DCAF13: variants seen among roughly 807,000 people sequenced by gnomAD.
The protein encoded by DCAF13 is DDB1 and CUL4 associated factor 13.
A neutral mutation model predicts 59.0 loss-of-function variants in DCAF13; 38 were observed. The ratio of observed to expected loss-of-function variants is 0.64; its 90% CI spans 0.50 to 0.84. The LOEUF (loss-of-function observed/expected upper bound fraction) is 0.84. DCAF13 is among the 40% of genes least tolerant of loss of function. The pLI is 0.00. For missense variants in DCAF13, 469 were observed against 558.4 expected, an observed-to-expected ratio of 0.84 and a Z score of 1.61; for synonymous variants, 173 against 175.0, an observed-to-expected ratio of 0.99 and a Z score of 0.09.
At chr8:103,433,792 A>G (rs965645174) in intron 7 of DCAF13, among the ~76,000 whole-genome samples, 2 of 152,054 alleles carry the variant, frequency 1.3e-5, no homozygotes, top group Admixed American at 6.6e-5. Flanking sequence ...TTAGACTCTC[A>G]TTAACTAGCA....
Position 103,418,138 on chromosome 8 carries a change from GAAAA to G in DCAF13, c.71-2120_71-2117del, listed in dbSNP as rs778860828. Among the ~76,000 whole-genome samples, 15 of 147,402 alleles carry G rather than the reference GAAAA, an allele frequency of 1.0e-4. No individual in the cohort carries two copies. The South Asian group carries it at 1.3e-3, about 13-fold the overall frequency. On this transcript the variant is annotated intron_variant, in intron 1 of 10. Coordinates refer to ENST00000612750, the MANE Select transcript of DCAF13 (RefSeq NM_015420.7). ...GCAAGACTCCGTCTCAAAAAAAAAA[GAAAA>G]AAAAAGACATCTGATAATAGTGTAA...
At chr8:103,438,530 C>G (rs1563506884) in intron 8 of DCAF13, among the ~76,000 whole-genome samples, 1 of 151,766 alleles carries the variant, frequency 6.6e-6, no homozygotes, top group Non-Finnish European at 1.5e-5. Context: ...AGTGATCCTC[C>G]TACCTCAGAC....
chr8:103,435,239 A>C (rs1252899693), intron 7 of DCAF13, among the ~76,000 whole-genome samples: 1 of 152,188 alleles, frequency 6.6e-6, no homozygotes, highest in South Asian at 2.1e-4. Context: ...AAAGCTTTAC[A>C]TAACATTTCA....
intron 8 of DCAF13, among the ~76,000 whole-genome samples, chr8:103,436,749 C>G (rs1816939810): frequency 6.6e-6 from 1 of 152,068 alleles, no homozygotes; most frequent in Non-Finnish European, 1.5e-5. Flanking sequence ...TTACAAAGAG[C>G]TGTTATACAC....
At position 103,443,129 on chromosome 8, in the gene DCAF13, G is replaced by GT; in HGVS notation, c.*252dup. The GT allele has an allele frequency of 3.2e-6, 1 of 311,430 alleles. No individual in the cohort carries two copies. Among genetic ancestry groups the GT allele is most frequent in the South Asian group, 9.5e-5 (1 of 10,560 alleles). 19.3% of individuals were successfully genotyped at this position (311,430 alleles called of 1,614,324 possible). Reference sequence around the variant, plus strand: ...CAGTATTTGCAACTCATTTTTTCTTGTTTTTATTACAGATATACTTACTTT... The same window carrying GT: ...CAGTATTTGCAACTCATTTTTTCTTGTTTTTTATTACAGATATACTTACTTT... On this transcript the variant is annotated 3_prime_UTR_variant, in exon 11 of 11. Transcript: ENST00000612750.
intron 7 of DCAF13, 72 bp from the exon 8 acceptor site, chr8:103,435,554 G>A (rs1393115806): frequency 1.6e-6 from 2 of 1,251,968 alleles, no homozygotes; most frequent in Non-Finnish European, 2.2e-6. Flanking sequence ...CTTGTTTTCA[G>A]TGGTATCTTT....
At chr8:103,419,127 G>A (rs3133818) in intron 1 of DCAF13, among the ~76,000 whole-genome samples, 17 of 151,478 alleles carry the variant, frequency 1.1e-4, no homozygotes, top group Admixed American at 9.2e-4. Context: ...CTCGTGATCC[G>A]TCCGTCCCGG....
intron 5 of DCAF13, chr8:103,428,566 G>A (rs1816822963): frequency 6.6e-6 from 1 of 152,178 alleles, no homozygotes; most frequent in Non-Finnish European, 1.5e-5. Flanking sequence ...CCTTCCTTAT[G>A]TTTCCCTTGG....
chr8:103,433,563 T>C (rs1290472572), intron 7 of DCAF13, among the ~76,000 whole-genome samples: 1 of 152,104 alleles, frequency 6.6e-6, no homozygotes, highest in Non-Finnish European at 1.5e-5. Flanking sequence ...TGTTCCACTA[T>C]GTAGATTTGG....
intron 8 of DCAF13, among the ~76,000 whole-genome samples, chr8:103,436,564 C>T (rs1385288910): frequency 6.6e-6 from 1 of 152,206 alleles, no homozygotes; most frequent in Admixed American, 6.5e-5. Flanking sequence ...TTATTAAATA[C>T]AGTATCTATT....
rs1015057281 is a variant in DCAF13, at chr8:103,419,298, C to T, written c.71-966C>T. On this transcript the variant is annotated intron_variant, in intron 1 of 10. Coordinates refer to ENST00000612750, the MANE Select transcript of DCAF13 (RefSeq NM_015420.7). ...AATCCTGGCTCCACCGTGTCGTATT[C>T]GAGTTACTTAACCTCTTTATGCCTC... 2.0e-5 allele frequency among the ~76,000 whole-genome samples: 3 copies of T among 152,206 alleles called. No homozygotes were observed. In the East Asian group the frequency reaches 5.8e-4, roughly 29 times the overall value.
chr8:103,427,498 G>T, intron 5 of DCAF13: 2 of 451,290 alleles, frequency 4.4e-6, no homozygotes, highest in Non-Finnish European at 3.9e-6. Context: ...TGCCCATTGG[G>T]GTAAAATCCA....
At chr8:103,431,787 GT>G (rs894894830) in intron 6 of DCAF13, among the ~76,000 whole-genome samples, 11 of 148,504 alleles carry the variant, frequency 7.4e-5, no homozygotes, top group African/African-American at 2.5e-4. Flanking sequence ...CACTCATTCT[GT>G]TTTTTTTTTA....
intron 3 of DCAF13, among the ~76,000 whole-genome samples, chr8:103,423,067 C>G (rs768133226): frequency 2.6e-5 from 4 of 152,016 alleles, no homozygotes; most frequent in Non-Finnish European, 5.9e-5. Flanking sequence ...AGTTACTTTT[C>G]ACTAGAGGGG....
chr8:103,437,759 C>T (rs569423711), intron 8 of DCAF13, among the ~76,000 whole-genome samples: 1 of 151,970 alleles, frequency 6.6e-6, no homozygotes, highest in South Asian at 2.1e-4. Flanking sequence ...CTTTAAAAGA[C>T]CTTAAAATGG....
At chr8:103,425,423 T>C (rs1816774644) in intron 3 of DCAF13, among the ~76,000 whole-genome samples, 1 of 152,194 alleles carries the variant, frequency 6.6e-6, no homozygotes, top group African/African-American at 2.4e-5. Context: ...TTTTTTACTA[T>C]TTGTGCAGCT....
intron 3 of DCAF13, 147 bp from the exon 4 acceptor site, chr8:103,425,909 G>A (rs1275403536): frequency 1.8e-6 from 1 of 570,160 alleles, no homozygotes; most frequent in Admixed American, 3.1e-5. Context: ...AAAACAAGGT[G>A]GGATATAAAT....
Position 103,415,463 on chromosome 8 carries a change from T to C in DCAF13, c.17T>C (p.Leu6Pro). Residue 6 changes from leucine (L) to proline (P), a missense_variant, in exon 1 of 11, where the codon CTG becomes CCG. Physicochemically the swap from Leu to Pro is moderately conservative, Grantham distance 98 (BLOSUM62 -3). Transcript: ENST00000612750. ...GCAACCGAGATGAAGGTGAAGATGCTGAGCCGGAATCCGGACAATTATGTC... is the reference window on the plus strand; with the variant it reads ...GCAACCGAGATGAAGGTGAAGATGCCGAGCCGGAATCCGGACAATTATGTC... Reference protein sequence around the residue: MKVKMLSRNPDNYVRE... With the variant: MKVKMPSRNPDNYVRE... 6.2e-7 allele frequency: 1 copy of C among 1,613,896 alleles called. No individual in the cohort carries two copies. The highest frequency in any genetic ancestry group is 8.5e-7 in the Non-Finnish European group (1 of 1,179,850).
At chr8:103,423,364 A>G (rs192689593) in intron 3 of DCAF13, among the ~76,000 whole-genome samples, 37 of 152,278 alleles carry the variant, frequency 2.4e-4, no homozygotes, top group African/African-American at 8.4e-4. Flanking sequence ...ACACAGGAAT[A>G]CTATTCAGCC....
Sources: gnomAD v4.1 joint callset for allele counts (sites outside exome capture counted in the v4.1 genomes callset) on GRCh38, gnomAD v4.1.1 for gene constraint, MANE v1.5 for transcripts, NCBI Gene and HGNC (gene_info 2026-07-23, HGNC 2026-07-21) for gene names.